Variants in HS3ST4 observed in about 807,000 individuals in gnomAD.
HS3ST4 encodes heparan sulfate glucosamine 3-O-sulfotransferase 4.
A neutral mutation model predicts 29.2 loss-of-function variants in HS3ST4; 17 were observed. That is an observed-to-expected ratio of 0.58 (90% confidence interval 0.40 to 0.87). HS3ST4 has a LOEUF of 0.87. Among genes scored for constraint, HS3ST4 ranks in the 40% least tolerant of loss-of-function variants. The pLI is 0.00. For synonymous variants in HS3ST4, 314 were observed against 285.7 expected (o/e 1.10, Z -1.00); for missense variants, 627 against 634.5 (o/e 0.99, Z 0.13).
intron 1 of HS3ST4, among the ~76,000 whole-genome samples, chr16:25,716,072 G>A (rs1343904224): frequency 2.6e-5 from 4 of 152,180 alleles, no homozygotes; most frequent in Non-Finnish European, 5.9e-5. Context: ...ATCTGGTGTG[G>A]CGATGGTAGT....
At chr16:26,061,634 G>A (rs1725369142) in intron 1 of HS3ST4, among the ~76,000 whole-genome samples, 1 of 152,178 alleles carries the variant, frequency 6.6e-6, no homozygotes, top group Non-Finnish European at 1.5e-5. Context: ...TAGTCTAAGT[G>A]GCTGGGAGTT....
At chr16:26,042,137 C>T (rs1969641142) in intron 1 of HS3ST4, among the ~76,000 whole-genome samples, 1 of 152,168 alleles carries the variant, frequency 6.6e-6, no homozygotes, top group East Asian at 1.9e-4. Context: ...CCCCGCCTGC[C>T]TTATGTTCCA....
At position 26,119,767 on chromosome 16, in the gene HS3ST4, A is replaced by G. The variant is rs182357594; in HGVS notation, c.735-15845A>G. The stretch of plus-strand genomic sequence containing the variant: ...CGAGGCCTACTTCATGCCAGGCACT[A>G]TGTGGCATGCTGGGAGCACACAAAC... On this transcript the variant is annotated intron_variant, in intron 1 of 1. Coordinates refer to ENST00000331351, the MANE Select transcript of HS3ST4 (RefSeq NM_006040.3). Among the ~76,000 whole-genome samples the G allele has an allele frequency of 3.7e-3, 562 of 152,288 alleles. 4 individuals carry two copies. The highest frequency in any genetic ancestry group is 0.013 in the African/African-American group (540 of 41,554).
chr16:26,089,992 C>T (rs1443910866), intron 1 of HS3ST4, among the ~76,000 whole-genome samples: 1 of 152,140 alleles, frequency 6.6e-6, no homozygotes, highest in Non-Finnish European at 1.5e-5. Flanking sequence ...AATATATTTT[C>T]ACTCTTTTAA....
chr16:25,827,011 G>A (rs1324995327), intron 1 of HS3ST4, among the ~76,000 whole-genome samples: 5 of 151,938 alleles, frequency 3.3e-5, no homozygotes, highest in Non-Finnish European at 7.4e-5. Context: ...AAATAAAAAA[G>A]AAAAGGAAGG....
At position 25,714,315 on chromosome 16, in the gene HS3ST4, T is replaced by A. The variant is rs143010562; in HGVS notation, c.734+21164T>A. Among the ~76,000 whole-genome samples the A allele has an allele frequency of 7.9e-5, 12 of 152,320 alleles. No homozygotes were observed. In the East Asian group the frequency reaches 2.3e-3, roughly 29 times the overall value. On this transcript the variant is annotated intron_variant, in intron 1 of 1. Transcript: ENST00000331351. ...GAACCACTGCTTAGAGCCGGCTGTG[T>A]CTCCTCCCCTTTGTCTGATTAATAC...
At chr16:25,867,586 A>G (rs1476739665) in intron 1 of HS3ST4, among the ~76,000 whole-genome samples, 24 of 151,970 alleles carry the variant, frequency 1.6e-4, no homozygotes. Flanking sequence ...ACGCACGCAC[A>G]CACACATGCA....
Position 25,998,104 on chromosome 16 carries a change from C to T in HS3ST4, c.735-137508C>T, listed in dbSNP as rs1411862377. Among the ~76,000 whole-genome samples the T allele has an allele frequency of 7.2e-5, 11 of 151,908 alleles. No individual in the cohort carries two copies. In the East Asian group the frequency reaches 2.1e-3, roughly 29 times the overall value. ...CAAAACAAACAAACAAACAAAAACA[C>T]CTTAAAACATTAGCCAGGTATGGTA... On this transcript the variant is annotated intron_variant, in intron 1 of 1. Coordinates refer to ENST00000331351, the MANE Select transcript of HS3ST4 (RefSeq NM_006040.3).
chr16:25,731,437 C>G (rs189114366), intron 1 of HS3ST4, among the ~76,000 whole-genome samples: 1 of 152,134 alleles, frequency 6.6e-6, no homozygotes, highest in South Asian at 2.1e-4. Flanking sequence ...ACCTCCTGGA[C>G]TCAAGCAATC....
At chr16:25,835,848 A>C (rs1967350979) in intron 1 of HS3ST4, among the ~76,000 whole-genome samples, 1 of 152,208 alleles carries the variant, frequency 6.6e-6, no homozygotes, top group South Asian at 2.1e-4. Context: ...ATCTCTATAA[A>C]AAGTCAGACT....
intron 1 of HS3ST4, among the ~76,000 whole-genome samples, chr16:25,965,617 A>C (rs1968835374): frequency 2.0e-5 from 3 of 151,928 alleles, no homozygotes; most frequent in Admixed American, 2.0e-4. Context: ...GCAAAACTCG[A>C]CCTTGCAAGT....
Position 25,780,404 on chromosome 16 carries a change from GTC to G in HS3ST4, c.734+87261_734+87262del, listed in dbSNP as rs1277353509. On this transcript the variant is annotated intron_variant, in intron 1 of 1. Coordinates refer to ENST00000331351, the MANE Select transcript of HS3ST4 (RefSeq NM_006040.3). The stretch of plus-strand genomic sequence containing the variant: ...GACAATCTTGTGCCACTGACTGTCT[GTC>G]TCTCTCTGCATCGGTAAAGTTTGGG... 2.6e-5 allele frequency among the ~76,000 whole-genome samples: 4 copies of G among 152,108 alleles called. No homozygotes were observed. In the East Asian group the frequency reaches 5.8e-4, roughly 22 times the overall value.
chr16:25,865,478 C>T (rs1284192657), intron 1 of HS3ST4, among the ~76,000 whole-genome samples: 1 of 150,298 alleles, frequency 6.7e-6, no homozygotes, highest in Non-Finnish European at 1.5e-5. Context: ...AATGTCTCTT[C>T]AGGTCCTTTG....
chr16:25,794,173 A>G (rs1393119288), intron 1 of HS3ST4, among the ~76,000 whole-genome samples: 1 of 152,112 alleles, frequency 6.6e-6, no homozygotes, highest in Non-Finnish European at 1.5e-5. Flanking sequence ...AACACTAGGA[A>G]TGTAGGACAT....
At chr16:26,029,219 A>T (rs1400833268) in intron 1 of HS3ST4, among the ~76,000 whole-genome samples, 1 of 152,198 alleles carries the variant, frequency 6.6e-6, no homozygotes, top group Non-Finnish European at 1.5e-5. Flanking sequence ...AAATGAGCTA[A>T]GAGTTATGAT....
At chr16:26,134,142 C>T (rs1898246811) in intron 1 of HS3ST4, among the ~76,000 whole-genome samples, 1 of 151,976 alleles carries the variant, frequency 6.6e-6, no homozygotes, top group Non-Finnish European at 1.5e-5. Flanking sequence ...TGGAGGCAAA[C>T]TCGGATGGAG....
intron 1 of HS3ST4, among the ~76,000 whole-genome samples, chr16:25,740,889 T>TCCA (rs1393143404): frequency 1.3e-5 from 2 of 152,166 alleles, no homozygotes; most frequent in African/African-American, 4.8e-5. Context: ...TTAATCTTAT[T>TCCA]TGCTAAGATC....
intron 1 of HS3ST4, among the ~76,000 whole-genome samples, chr16:25,859,583 G>C (rs1967617206): frequency 6.6e-6 from 1 of 152,112 alleles, no homozygotes; most frequent in Admixed American, 6.6e-5. Flanking sequence ...TGCCCTCATG[G>C]CTGCCCGTAG....
chr16:25,812,033 A>T (rs183011661), intron 1 of HS3ST4, among the ~76,000 whole-genome samples: 1 of 152,260 alleles, frequency 6.6e-6, no homozygotes, highest in South Asian at 2.1e-4. Flanking sequence ...TCCATGGTGC[A>T]TATGTACCAC....
Sources: gnomAD v4.1 joint callset for allele counts (sites outside exome capture counted in the v4.1 genomes callset) on GRCh38, gnomAD v4.1.1 for gene constraint, MANE v1.5 for transcripts, NCBI Gene and HGNC (gene_info 2026-07-23, HGNC 2026-07-21) for gene names.